Variants in KATNAL2 observed in about 807,000 individuals in gnomAD.
KATNAL2 encodes katanin p60 ATPase-containing subunit A-like 2.
KATNAL2 carries 52 observed loss-of-function variants against 76.3 expected under a neutral mutation model. The observed-to-expected ratio is 0.68, with a 90% CI of 0.55 to 0.86. The LOEUF (loss-of-function observed/expected upper bound fraction) is 0.86. Ranked by LOEUF, KATNAL2 falls within the 40% of genes least tolerant of loss-of-function variation. KATNAL2 has a pLI of 0.00. For synonymous variants in KATNAL2, 243 were observed against 244.2 expected (o/e 1.00, Z 0.05); for missense variants, 660 against 668.9 (o/e 0.99, Z 0.15).
chr18:46,927,033 T>TA (rs2058749826), intron 1 of KATNAL2, among the ~76,000 whole-genome samples: 1 of 152,236 alleles, frequency 6.6e-6, no homozygotes, highest in Non-Finnish European at 1.5e-5. Flanking sequence ...CTTGACTTTT[T>TA]ATCCAATTTT....
At chr18:47,036,910 A>G (rs780079293) in intron 3 of KATNAL2, among the ~76,000 whole-genome samples, 7 of 152,218 alleles carry the variant, frequency 4.6e-5, no homozygotes, top group African/African-American at 1.7e-4. Flanking sequence ...AAAGTTAGGA[A>G]GTTTCCTGGC....
intron 4 of KATNAL2, among the ~76,000 whole-genome samples, chr18:47,048,778 T>A (rs1034895723): frequency 6.6e-6 from 1 of 151,788 alleles, no homozygotes; most frequent in African/African-American, 2.4e-5. Flanking sequence ...TGGGGCTTGT[T>A]GTCATAGGGA....
chr18:47,063,225 G>C, intron 9 of KATNAL2, 59 bp from the exon 10 acceptor site: 9 of 1,564,432 alleles, frequency 5.8e-6, no homozygotes, highest in Non-Finnish European at 7.9e-6. Flanking sequence ...CATGCCCGGG[G>C]TTTCTTCCTA....
At chr18:47,095,608 T>G (rs2063197978) in intron 15 of KATNAL2, among the ~76,000 whole-genome samples, 1 of 152,254 alleles carries the variant, frequency 6.6e-6, no homozygotes, top group South Asian at 2.1e-4. Context: ...AGTGTGAGAA[T>G]GGACTAATAC....
chr18:46,945,028 T>C (rs1421786193), intron 1 of KATNAL2, among the ~76,000 whole-genome samples: 1 of 152,250 alleles, frequency 6.6e-6, no homozygotes, highest in African/African-American at 2.4e-5. Flanking sequence ...TTGGTATCAG[T>C]GGGAACCATA....
intron 16 of KATNAL2, among the ~76,000 whole-genome samples, chr18:47,099,847 T>C (rs137991600): frequency 9.7e-4 from 147 of 152,292 alleles, no homozygotes; most frequent in African/African-American, 3.4e-3. Flanking sequence ...GTTGCAGAAA[T>C]GTTGCCTGCT....
intron 3 of KATNAL2, among the ~76,000 whole-genome samples, chr18:47,042,624 T>A (rs998933879): frequency 1.3e-5 from 2 of 152,108 alleles, no homozygotes; most frequent in East Asian, 3.8e-4. Context: ...AAAATGTTAT[T>A]ATCTAAATAA....
chr18:47,054,550 GC>G (rs1440091733), intron 6 of KATNAL2, 112 bp downstream of exon 6: 383 of 1,047,670 alleles, frequency 3.7e-4, no homozygotes, highest in Non-Finnish European at 6.9e-5. Context: ...AATACTGACT[GC>G]AGTCATGTGA....
chr18:46,956,217 G>A (rs541485277), intron 3 of KATNAL2, among the ~76,000 whole-genome samples: 8 of 152,170 alleles, frequency 5.3e-5, no homozygotes, highest in Admixed American at 3.3e-4. Context: ...GGTTTTCACC[G>A]ATTAACAGTA....
chr18:47,096,560 C>T (rs1403099298), intron 15 of KATNAL2, among the ~76,000 whole-genome samples: 1 of 152,024 alleles, frequency 6.6e-6, no homozygotes, highest in African/African-American at 2.4e-5. Flanking sequence ...GCATAGTCAG[C>T]GAATCTTCTA....
intron 15 of KATNAL2, among the ~76,000 whole-genome samples, chr18:47,080,367 G>A (rs924364112): frequency 4.6e-5 from 7 of 152,082 alleles, no homozygotes; most frequent in African/African-American, 2.4e-5. Flanking sequence ...ACGATTCAAT[G>A]GTTTTGAGTG....
intron 4 of KATNAL2, among the ~76,000 whole-genome samples, chr18:47,051,658 T>C (rs1203155670): frequency 6.6e-6 from 1 of 152,214 alleles, no homozygotes; most frequent in East Asian, 1.9e-4. Context: ...TGAAAAAGTA[T>C]AGAAGGTGAT....
At chr18:47,046,281 A>G (rs2061154280) in intron 3 of KATNAL2, 176 bp from the exon 4 acceptor site, 2 of 581,778 alleles carry the variant, frequency 3.4e-6, no homozygotes, top group Non-Finnish European at 6.1e-6. Context: ...GGCAGCTGTG[A>G]GAAGAAAATA....
intron 15 of KATNAL2, among the ~76,000 whole-genome samples, chr18:47,077,807 T>C (rs965457270): frequency 6.6e-6 from 1 of 152,252 alleles, no homozygotes; most frequent in Non-Finnish European, 1.5e-5. Flanking sequence ...AGAAATAATA[T>C]GTTTGAATTT....
intron 3 of KATNAL2, among the ~76,000 whole-genome samples, chr18:47,041,959 T>C (rs969365255): frequency 6.6e-6 from 1 of 152,218 alleles, no homozygotes; most frequent in African/African-American, 2.4e-5. Flanking sequence ...GATGATGTGA[T>C]GTTGTCTTTT....
intron 6 of KATNAL2, among the ~76,000 whole-genome samples, chr18:47,056,658 A>G (rs2061479148): frequency 6.6e-6 from 1 of 152,240 alleles, no homozygotes; most frequent in South Asian, 2.1e-4. Flanking sequence ...AATAAATTGC[A>G]TTGCTTTGTA....
chr18:47,043,760 G>C (rs1377084162), intron 3 of KATNAL2, among the ~76,000 whole-genome samples: 2 of 151,440 alleles, frequency 1.3e-5, no homozygotes, highest in Non-Finnish European at 2.9e-5. Context: ...TTAGTGTTTT[G>C]ATTATTAACA....
At chr18:47,069,358 T>C in intron 12 of KATNAL2, 75 bp downstream of exon 12, 2 of 1,399,068 alleles carry the variant, frequency 1.4e-6, no homozygotes, top group Non-Finnish European at 2.0e-6. Context: ...CTGTCCTCAC[T>C]TCAGGACTGG....
intron 1 of KATNAL2, among the ~76,000 whole-genome samples, chr18:46,944,747 T>C (rs979502469): frequency 6.6e-6 from 1 of 150,526 alleles, no homozygotes; most frequent in Non-Finnish European, 1.5e-5. Context: ...AATAAATAAA[T>C]AAATAAAAAT....
Sources: gnomAD v4.1 joint callset for allele counts (sites outside exome capture counted in the v4.1 genomes callset) on GRCh38, gnomAD v4.1.1 for gene constraint, MANE v1.5 for transcripts, NCBI Gene and HGNC (gene_info 2026-07-23, HGNC 2026-07-21) for gene names.